The following LARGE1 variants were observed in gnomAD, a reference collection of about 807,000 sequenced individuals.
LARGE1 encodes the protein LARGE xylosyl- and glucuronyltransferase 1.
Under a neutral mutation model 87.6 loss-of-function variants are expected in LARGE1, and 43 were observed. The ratio of observed to expected loss-of-function variants is 0.49; its 90% CI spans 0.38 to 0.63. The LOEUF (loss-of-function observed/expected upper bound fraction) is 0.63, where lower values mean the gene tolerates loss of function less well. Among genes scored for constraint, LARGE1 ranks in the 30% least tolerant of loss-of-function variants. LARGE1 has a pLI of 0.00. For missense variants in LARGE1, 802 were observed against 1,000.2 expected (o/e 0.80, Z 2.67); for synonymous variants, 434 against 394.6 (o/e 1.10, Z -1.18).
At chr22:33,557,407 A>G (rs931338983) in intron 6 of LARGE1, among the ~76,000 whole-genome samples, 11 of 152,178 alleles carry the variant, frequency 7.2e-5, no homozygotes, top group East Asian at 1.9e-4. Context: ...AGAGAGGCAG[A>G]GAAAGCAGGA....
chr22:33,794,364 T>C (rs1014540171), intron 1 of LARGE1, among the ~76,000 whole-genome samples: 3 of 152,296 alleles, frequency 2.0e-5, no homozygotes, highest in African/African-American at 7.2e-5. Flanking sequence ...GGGCTCAGGC[T>C]GGGGCATGGA....
At chr22:33,318,345 G>C (rs1407941328) in intron 10 of LARGE1, among the ~76,000 whole-genome samples, 3 of 152,140 alleles carry the variant, frequency 2.0e-5, no homozygotes, top group African/African-American at 7.2e-5. Context: ...CCACCTATGA[G>C]TGAGAACATG....
At chr22:33,701,394 C>T (rs953816714) in intron 2 of LARGE1, among the ~76,000 whole-genome samples, 4 of 152,148 alleles carry the variant, frequency 2.6e-5, no homozygotes, top group African/African-American at 9.7e-5. Context: ...GTCTCGGCAG[C>T]GCGTGACAAT....
At chr22:33,794,957 A>G (rs2085935650) in intron 1 of LARGE1, among the ~76,000 whole-genome samples, 1 of 152,174 alleles carries the variant, frequency 6.6e-6, no homozygotes, top group Non-Finnish European at 1.5e-5. Flanking sequence ...AAGGAACACT[A>G]TTCATATAAA....
chr22:33,561,556 G>A (rs576779068), intron 6 of LARGE1, among the ~76,000 whole-genome samples: 80 of 152,302 alleles, frequency 5.3e-4, no homozygotes, highest in Admixed American at 2.0e-3. Context: ...CTAGCACCCC[G>A]GTGTAGCTAC....
At chr22:33,549,128 C>G (rs188622435) in intron 6 of LARGE1, among the ~76,000 whole-genome samples, 1 of 152,286 alleles carries the variant, frequency 6.6e-6, no homozygotes, top group Admixed American at 6.5e-5. Flanking sequence ...TCAATAAGGA[C>G]CCTCCATTCA....
At chr22:33,502,506 T>C (rs1406566334) in intron 6 of LARGE1, among the ~76,000 whole-genome samples, 3 of 152,044 alleles carry the variant, frequency 2.0e-5, no homozygotes, top group African/African-American at 7.2e-5. Flanking sequence ...GGCCTGCCTT[T>C]CTCCAGCCTC....
intron 11 of LARGE1, among the ~76,000 whole-genome samples, chr22:33,213,899 G>A (rs1180003494): frequency 6.6e-6 from 1 of 151,902 alleles, no homozygotes; most frequent in Non-Finnish European, 1.5e-5. Context: ...CGCAATCTCC[G>A]CTCACTGCAG....
chr22:33,410,744 G>T (rs1258998693), intron 7 of LARGE1, among the ~76,000 whole-genome samples: 1 of 152,060 alleles, frequency 6.6e-6, no homozygotes. Context: ...TGAAGGCCCA[G>T]AAAGAGATTG....
chr22:33,276,736 T>TA (rs1194935589), intron 14 of LARGE1, among the ~76,000 whole-genome samples: 2 of 152,256 alleles, frequency 1.3e-5, no homozygotes, highest in African/African-American at 2.4e-5. Flanking sequence ...TCGTGTCTGT[T>TA]ACGTGACTCA....
At chr22:33,322,902 C>T (rs957700459) in intron 10 of LARGE1, 3 of 152,296 alleles carry the variant, frequency 2.0e-5, no homozygotes, top group African/African-American at 7.2e-5. Flanking sequence ...GAAGGCGGAT[C>T]ATGAGGTCAG....
Position 33,316,268 on chromosome 22 carries a change from G to T in LARGE1, c.1288-20C>A, listed in dbSNP as rs1936150316. On this transcript the variant is annotated intron_variant, in intron 10 of 14. Coordinates refer to ENST00000397394, the MANE Select transcript of LARGE1 (RefSeq NM_133642.5). ...CTGGAGCTGCAGGGTAGGAGAGAGG[G>T]CTTGGGCACGTGAAGAAGAGGTCCG... 2 of 1,611,826 alleles carry T rather than the reference G, an allele frequency of 1.2e-6. No homozygotes were observed. The highest frequency in any genetic ancestry group is 1.7e-5 in the Admixed American group (1 of 59,992).
intron 9 of LARGE1, among the ~76,000 whole-genome samples, chr22:33,356,764 A>AT (rs1940932895): frequency 6.6e-6 from 1 of 152,152 alleles, no homozygotes; most frequent in Admixed American, 6.5e-5. Context: ...GTGAGACTCC[A>AT]TATCAAAAAA....
At chr22:33,880,926 T>A (rs1286886047) in intron 1 of LARGE1, among the ~76,000 whole-genome samples, 1 of 152,248 alleles carries the variant, frequency 6.6e-6, no homozygotes, top group Non-Finnish European at 1.5e-5. Context: ...TTAGAATATA[T>A]TTTATGTTTA....
intron 1 of LARGE1, among the ~76,000 whole-genome samples, chr22:33,838,983 A>C (rs2063190908): frequency 6.6e-6 from 1 of 152,232 alleles, no homozygotes; most frequent in African/African-American, 2.4e-5. Flanking sequence ...GCTTTTACCT[A>C]AACAGTGGCT....
chr22:33,230,679 A>G (rs1171995394), intron 11 of LARGE1, among the ~76,000 whole-genome samples: 1 of 139,056 alleles, frequency 7.2e-6, no homozygotes, highest in African/African-American at 2.8e-5. Flanking sequence ...GGACTGGCCC[A>G]TGGGGCCTTA....
chr22:33,546,082 T>C (rs961686881), intron 6 of LARGE1, among the ~76,000 whole-genome samples: 6 of 152,198 alleles, frequency 3.9e-5, no homozygotes, highest in Non-Finnish European at 5.9e-5. Context: ...TAGTATGACC[T>C]GGTCAGTCTT....
intron 11 of LARGE1, among the ~76,000 whole-genome samples, chr22:33,177,733 A>G (rs982659712): frequency 2.6e-5 from 4 of 152,174 alleles, no homozygotes; most frequent in Admixed American, 2.6e-4. Context: ...TTCGTGTGAA[A>G]AGGATCAACT....
At chr22:33,483,870 C>T (rs1461872313) in intron 6 of LARGE1, among the ~76,000 whole-genome samples, 4 of 152,116 alleles carry the variant, frequency 2.6e-5, no homozygotes, top group Non-Finnish European at 4.4e-5. Flanking sequence ...GGCCCCTGTT[C>T]CCCATGCATC....
Sources: gnomAD v4.1 joint callset for allele counts (sites outside exome capture counted in the v4.1 genomes callset) on GRCh38, gnomAD v4.1.1 for gene constraint, MANE v1.5 for transcripts, NCBI Gene and HGNC (gene_info 2026-07-23, HGNC 2026-07-21) for gene names.